The following TFAP2D variants were observed in gnomAD, a reference collection of about 807,000 sequenced individuals.
TFAP2D encodes transcription factor AP-2 delta.
TFAP2D carries 9 observed loss-of-function variants against 43.6 expected under a neutral mutation model. That is an observed-to-expected ratio of 0.21 (90% confidence interval 0.12 to 0.36). The LOEUF (loss-of-function observed/expected upper bound fraction) is 0.36. Among genes scored for constraint, TFAP2D ranks in the 10% least tolerant of loss-of-function variants. The pLI is 1.00. For synonymous variants in TFAP2D, 256 were observed against 224.9 expected (o/e 1.14, Z -1.24); for missense variants, 513 against 561.4 (o/e 0.91, Z 0.87).
intron 7 of TFAP2D, among the ~76,000 whole-genome samples, chr6:50,758,242 A>G (rs1769316533): frequency 6.6e-6 from 1 of 151,992 alleles, no homozygotes; most frequent in South Asian, 2.1e-4. Flanking sequence ...AATTTTCTTC[A>G]TTGATTCTCA....
chr6:50,756,210 T>G (rs1180553098), intron 7 of TFAP2D, among the ~76,000 whole-genome samples: 1 of 151,964 alleles, frequency 6.6e-6, no homozygotes, highest in Non-Finnish European at 1.5e-5. Context: ...CAACTGTAAT[T>G]TCGATAGAAC....
chr6:50,745,345 T>C, intron 6 of TFAP2D, 97 bp downstream of exon 6: 1 of 1,529,848 alleles, frequency 6.5e-7, no homozygotes, highest in Non-Finnish European at 8.8e-7. Flanking sequence ...GCACCCGTTC[T>C]CTAAAACAAG....
Position 50,715,340 on chromosome 6 carries a change from C to G in TFAP2D, c.264C>G (p.Asp88Glu). Residue 88 changes from aspartate (D) to glutamate (E), a missense_variant, in exon 2 of 8, where the codon GAC becomes GAG. Coordinates refer to ENST00000008391, the MANE Select transcript of TFAP2D (RefSeq NM_172238.4). ...FQHSHPAVTP[D>E]AYSLNSLHHS... ...ACAGCCACCCGGCCGTCACCCCCGACGCCTACTCTCTGAACTCTCTCCACC... is the reference window on the plus strand; with the variant it reads ...ACAGCCACCCGGCCGTCACCCCCGAGGCCTACTCTCTGAACTCTCTCCACC... 1 of 1,614,166 alleles carries G rather than the reference C, an allele frequency of 6.2e-7. No homozygotes were observed. The highest frequency in any genetic ancestry group is 8.5e-7 in the Non-Finnish European group (1 of 1,180,038).
chr6:50,748,839 T>A (rs370670180), intron 6 of TFAP2D, among the ~76,000 whole-genome samples: 1 of 151,830 alleles, frequency 6.6e-6, no homozygotes, highest in Non-Finnish European at 1.5e-5. Flanking sequence ...GGGTGAAACA[T>A]AGAATTTGGA....
intron 5 of TFAP2D, among the ~76,000 whole-genome samples, chr6:50,742,179 T>A (rs1326426658): frequency 6.6e-6 from 1 of 152,082 alleles, no homozygotes; most frequent in Non-Finnish European, 1.5e-5. Flanking sequence ...CACACAAAGC[T>A]TCTGTGGCAT....
chr6:50,745,277 C>A, intron 6 of TFAP2D, 29 bp downstream of exon 6: 1 of 1,604,126 alleles, frequency 6.2e-7, no homozygotes, highest in Non-Finnish European at 8.5e-7. Context: ...CCTCTGTGTG[C>A]TTTCATCTTC....
At chr6:50,763,139 G>A (rs1358602803) in intron 7 of TFAP2D, among the ~76,000 whole-genome samples, 1 of 152,028 alleles carries the variant, frequency 6.6e-6, no homozygotes, top group African/African-American at 2.4e-5. Flanking sequence ...CAATTAAGCT[G>A]TCTATCACAC....
At chr6:50,733,400 T>C (rs1768920140) in intron 5 of TFAP2D, among the ~76,000 whole-genome samples, 1 of 152,100 alleles carries the variant, frequency 6.6e-6, no homozygotes, top group Non-Finnish European at 1.5e-5. Flanking sequence ...TCCATTCTAG[T>C]ATCTACAATA....
At chr6:50,723,828 C>A (rs1456511060) in intron 3 of TFAP2D, among the ~76,000 whole-genome samples, 1 of 152,116 alleles carries the variant, frequency 6.6e-6, no homozygotes, top group Non-Finnish European at 1.5e-5. Context: ...AATCTCCCCC[C>A]AACCCCCGCC....
At chr6:50,742,561 TAGAC>T (rs1291041137) in intron 5 of TFAP2D, among the ~76,000 whole-genome samples, 1 of 145,502 alleles carries the variant, frequency 6.9e-6, no homozygotes, top group Non-Finnish European at 1.5e-5. Flanking sequence ...GATGGACACA[TAGAC>T]AGACACACAT....
intron 6 of TFAP2D, among the ~76,000 whole-genome samples, chr6:50,746,440 G>C (rs1769126345): frequency 6.6e-6 from 1 of 151,958 alleles, no homozygotes; most frequent in South Asian, 2.1e-4. Context: ...TTTTTGCCAT[G>C]TTGCCCAGGC....
chr6:50,719,812 C>A (rs906584556), intron 3 of TFAP2D, among the ~76,000 whole-genome samples: 4 of 152,164 alleles, frequency 2.6e-5, no homozygotes, highest in Non-Finnish European at 5.9e-5. Context: ...TTGAGGGAAA[C>A]ATCTGAATCC....
In TFAP2D at chr6:50,715,547, C is replaced by T. The variant is rs781081737; in HGVS notation, c.471C>T (p.His157=). ...GCCATGGCTCTCAGTATGGAATGCA[C>T]CCAGATCAAAGACTCCTGCCAGGGC... ...LMSHGSQYGM[H]PDQRLLPGPS... is the part of the protein sequence containing the mutation. Residue 157 remains histidine, a synonymous_variant, in exon 2 of 8, where the codon CAC becomes CAT. Coordinates refer to ENST00000008391, the MANE Select transcript of TFAP2D (RefSeq NM_172238.4). The T allele has an allele frequency of 4.3e-6, 7 of 1,611,364 alleles. 1 individual carries two copies. In the East Asian group the frequency reaches 8.9e-5, roughly 21 times the overall value.
intron 2 of TFAP2D, among the ~76,000 whole-genome samples, chr6:50,716,251 A>C (rs1341460704): frequency 6.6e-6 from 1 of 152,192 alleles, no homozygotes; most frequent in Non-Finnish European, 1.5e-5. Context: ...TAATCCGCAC[A>C]GTGCACTTTG....
At chr6:50,733,988 G>A (rs1330956826) in intron 5 of TFAP2D, among the ~76,000 whole-genome samples, 3 of 133,474 alleles carry the variant, frequency 2.2e-5, no homozygotes, top group Non-Finnish European at 1.5e-5. Context: ...TTCTGTGTAT[G>A]TGTGTGTGTG....
At chr6:50,717,157 T>C (rs1418094247) in intron 2 of TFAP2D, among the ~76,000 whole-genome samples, 1 of 152,232 alleles carries the variant, frequency 6.6e-6, no homozygotes, top group Non-Finnish European at 1.5e-5. Context: ...TTTGTATCTG[T>C]ACAAATTTTT....
At chr6:50,758,233 A>C (rs1305763369) in intron 7 of TFAP2D, among the ~76,000 whole-genome samples, 1 of 151,748 alleles carries the variant, frequency 6.6e-6, no homozygotes, top group Admixed American at 6.6e-5. Context: ...TGGTGATTAA[A>C]TTTTCTTCAT....
chr6:50,725,962 G>T (rs1309588368), intron 3 of TFAP2D, among the ~76,000 whole-genome samples: 1 of 152,188 alleles, frequency 6.6e-6, no homozygotes, highest in African/African-American at 2.4e-5. Flanking sequence ...AAAAATAAAA[G>T]ACTCTAGAGT....
intron 7 of TFAP2D, among the ~76,000 whole-genome samples, chr6:50,755,429 T>TAAAAA (rs35437406): frequency 7.1e-6 from 1 of 141,446 alleles, no homozygotes; most frequent in Non-Finnish European, 1.6e-5. Context: ...CTTGAAACTG[T>TAAAAA]AAAAAAAAAA....
Sources: gnomAD v4.1 joint callset for allele counts (sites outside exome capture counted in the v4.1 genomes callset) on GRCh38, gnomAD v4.1.1 for gene constraint, MANE v1.5 for transcripts, NCBI Gene and HGNC (gene_info 2026-07-23, HGNC 2026-07-21) for gene names.